TNRC6A: variants seen among roughly 807,000 people sequenced by gnomAD.
The protein encoded by TNRC6A is trinucleotide repeat-containing gene 6A protein.
TNRC6A carries 44 observed loss-of-function variants against 221.2 expected under a neutral mutation model. The observed-to-expected ratio is 0.20, with a 90% confidence interval of 0.16 to 0.26. TNRC6A has a LOEUF of 0.26. Ranked by LOEUF, TNRC6A falls within the 10% of genes least tolerant of loss-of-function variation. The pLI, the probability that TNRC6A is intolerant of heterozygous loss-of-function variation, is 1.00. For missense variants in TNRC6A, 2,199 were observed against 2,404.4 expected (o/e 0.91, Z 1.79); for synonymous variants, 847 against 838.5 (o/e 1.01, Z -0.18).
chr16:24,791,673 C>T lies in TNRC6A; in HGVS notation c.3031C>T (p.Pro1011Ser). Residue 1011 changes from proline to serine, a missense_variant, in exon 6 of 25, where the codon CCA (proline) becomes TCA (serine). Physicochemically the swap from Pro to Ser is moderately conservative, Grantham distance 74. Around this residue, in one of 8 missense-constraint regions of TNRC6A, gnomAD observed 1,405 missense variants for 1,400.2 expected, o/e 1.00. Transcript: ENST00000395799. ...TGATGGAACTTCAGCTTGGGGAGAT[C>T]CAAGCAAATACAACTACAAAAATGT... ...IDDGTSAWGDPSKYNYKNVNM... is the reference protein window; with the variant it reads ...IDDGTSAWGDSSKYNYKNVNM... The T allele has an allele frequency of 1.2e-6, 2 of 1,613,658 alleles. No homozygotes were observed. The highest frequency in any genetic ancestry group is 1.7e-6 in the Non-Finnish European group (2 of 1,179,870).
At chr16:24,736,866 G>T (rs2056780818) in intron 2 of TNRC6A, among the ~76,000 whole-genome samples, 1 of 152,128 alleles carries the variant, frequency 6.6e-6, no homozygotes, top group South Asian at 2.1e-4. Context: ...TATTTAAATC[G>T]ATCAGCCATA....
intron 18 of TNRC6A, among the ~76,000 whole-genome samples, chr16:24,814,688 C>T (rs944936047): frequency 6.6e-6 from 1 of 152,148 alleles, no homozygotes; most frequent in African/African-American, 2.4e-5. Flanking sequence ...GCTGGGATTA[C>T]AGGCATGAGC....
intron 2 of TNRC6A, among the ~76,000 whole-genome samples, chr16:24,715,919 C>A (rs1348510136): frequency 1.3e-5 from 2 of 152,020 alleles, no homozygotes; most frequent in African/African-American, 2.4e-5. Context: ...CTGTGCCTGG[C>A]CCATTCTTGA....
Position 24,789,432 on chromosome 16 carries a change from T to G in TNRC6A, c.790T>G (p.Ser264Ala). Residue 264 changes from serine (S) to alanine (A), a missense_variant, in exon 6 of 25, where the codon TCA becomes GCA. Transcript: ENST00000395799. ...TGCTGATTCTGCCTCCAGTTCTGAA[T>G]CAGAGAGAAACATCACTATCATGGC... ...MDADSASSSE[S>A]ERNITIMASG... is the part of the protein sequence containing the mutation. 6.2e-7 allele frequency: 1 copy of G among 1,614,152 alleles called. No homozygotes were observed. Among genetic ancestry groups the G allele is most frequent in the African/African-American group, 1.3e-5 (1 of 75,024 alleles).
At chr16:24,646,331 A>G (rs967083236) in intron 2 of TNRC6A, among the ~76,000 whole-genome samples, 1 of 152,206 alleles carries the variant, frequency 6.6e-6, no homozygotes, top group Non-Finnish European at 1.5e-5. Flanking sequence ...TCCATGACTC[A>G]ACCAATGAAC....
intron 5 of TNRC6A, among the ~76,000 whole-genome samples, chr16:24,787,924 T>C (rs1436402132): frequency 6.6e-6 from 1 of 152,208 alleles, no homozygotes; most frequent in African/African-American, 2.4e-5. Context: ...GCCTTGAAGA[T>C]ATATACTTAA....
At chr16:24,687,619 T>C (rs1211582256) in intron 2 of TNRC6A, among the ~76,000 whole-genome samples, 2 of 152,088 alleles carry the variant, frequency 1.3e-5, no homozygotes, top group Non-Finnish European at 2.9e-5. Flanking sequence ...TGAGATGCCC[T>C]TTCCCATCTC....
chr16:24,805,088 A>G lies in TNRC6A; in HGVS notation c.4059A>G (p.Gln1353=), dbSNP rs1440420590. The part of the protein sequence containing the change: ...QPRGMQQPPA[Q]PLSSSQPNLR... ...GGGGCATGCAGCAGCCTCCAGCACAACCTCTTAGTTCATCTCAGCCTAATC... is the reference window on the plus strand; with the variant it reads ...GGGGCATGCAGCAGCCTCCAGCACAGCCTCTTAGTTCATCTCAGCCTAATC... Residue 1353 remains glutamine (Q), a synonymous_variant, in exon 14 of 25, where the codon CAA becomes CAG. Transcript: ENST00000395799. The G allele has an allele frequency of 6.2e-6, 10 of 1,613,938 alleles. No individual in the cohort carries two copies. The highest frequency in any genetic ancestry group is 4.0e-5 in the African/African-American group (3 of 74,874).
At chr16:24,781,106 G>A (rs1381369144) in intron 5 of TNRC6A, among the ~76,000 whole-genome samples, 1 of 136,288 alleles carries the variant, frequency 7.3e-6, no homozygotes, top group East Asian at 2.5e-4. Flanking sequence ...CCAGACTGGA[G>A]TGCAGTGGCA....
At chr16:24,672,317 A>G (rs928989147) in intron 2 of TNRC6A, among the ~76,000 whole-genome samples, 5 of 151,858 alleles carry the variant, frequency 3.3e-5, no homozygotes, top group African/African-American at 4.8e-5. Flanking sequence ...TTTAGTAGAG[A>G]TGGGGTTTCA....
rs2056590896 is a variant in TNRC6A, at chr16:24,730,125, C to T, written c.6-128C>T. 7 of 793,754 alleles carry T rather than the reference C, an allele frequency of 8.8e-6. 1 individual carries two copies. The Admixed American group carries it at 1.5e-4, about 17-fold the overall frequency. The allele number at this position is 793,754 out of a possible 1,614,324, so 49.2% of individuals were successfully genotyped here. On this transcript the variant is annotated intron_variant, in intron 1 of 24. Coordinates refer to ENST00000395799, the MANE Select transcript of TNRC6A (RefSeq NM_014494.4). ...CCCCGCAGCTTTGTGAGTCCCCCTC[C>T]CCCCGTCCTCTCCCCTCCCCCATCC...
chr16:24,664,777 A>T, intron 2 of TNRC6A: 1 of 319,374 alleles, frequency 3.1e-6, no homozygotes, highest in African/African-American at 2.9e-5. Flanking sequence ...AATCACACAC[A>T]CACACACACA....
rs138278409 is a variant in TNRC6A at position 24,614,561 on chromosome 16, G to A, written n.276+4077G>A. Among the ~76,000 whole-genome samples the A allele has an allele frequency of 5.0e-3, 763 of 152,276 alleles. 16 individuals carry two copies. Among genetic ancestry groups the A allele is most frequent in the Non-Finnish European group, 6.9e-3 (467 of 68,028 alleles). ...CAAGCACGGGTCTGTTTTGGATATG[G>A]ATTAGAAGGTGGGTGTGGTGAAATA... is the stretch of plus-strand genomic sequence containing the variant. On this transcript the variant is annotated intron_variant and non_coding_transcript_variant, in intron 1 of 2. Transcript: ENST00000566108.
At position 24,650,448 on chromosome 16, in the gene TNRC6A, TGAGGACAGGA is replaced by T. The variant is rs1174675314; in HGVS notation, n.402+9441_402+9450del. The stretch of plus-strand genomic sequence containing the variant: ...GGGAGGCGGAGGCGGGTGGATCACT[TGAGGACAGGA>T]GTTTGAGACCAGCCTGGCCAACATG... On this transcript the variant is annotated intron_variant and non_coding_transcript_variant, in intron 2 of 2. Transcript: ENST00000566108. 2.6e-5 allele frequency among the ~76,000 whole-genome samples: 4 copies of T among 152,130 alleles called. No individual in the cohort carries two copies. The East Asian group carries it at 7.7e-4, about 29-fold the overall frequency.
At position 24,822,927 on chromosome 16, in the gene TNRC6A, A is replaced by G; in HGVS notation, c.5427A>G (p.Thr1809=). Residue 1809 remains threonine (T), a synonymous_variant, in exon 24 of 25, where the codon ACA becomes ACG. Coordinates refer to ENST00000395799, the MANE Select transcript of TNRC6A (RefSeq NM_014494.4). The part of the protein sequence containing the change: ...TLCMQHGPLI[T]FHLNLPHGNA... ...GCATGCAGCACGGCCCGCTGATCAC[A>G]TTCCACCTGAACCTCCCTCACGGAA... 1 of 1,614,224 alleles carries G rather than the reference A, an allele frequency of 6.2e-7. No individual in the cohort carries two copies. Among genetic ancestry groups the G allele is most frequent in the Middle Eastern group, 1.7e-4 (1 of 6,044 alleles).
chr16:24,794,753 T>C (rs1268118027), intron 8 of TNRC6A, 34 bp downstream of exon 8: 2 of 1,574,042 alleles, frequency 1.3e-6, no homozygotes, highest in Non-Finnish European at 8.6e-7. Flanking sequence ...CTTGAAACTT[T>C]AAATTCCAAA....
At chr16:24,646,538 A>G (rs192243562) in intron 2 of TNRC6A, among the ~76,000 whole-genome samples, 4 of 152,362 alleles carry the variant, frequency 2.6e-5, no homozygotes, top group Admixed American at 1.3e-4. Flanking sequence ...GGATGAAGCA[A>G]TAAGGGAAAC....
intron 1 of TNRC6A, among the ~76,000 whole-genome samples, chr16:24,634,365 G>A (rs908314115): frequency 1.4e-4 from 21 of 152,162 alleles, no homozygotes; most frequent in African/African-American, 5.1e-4. Flanking sequence ...AGGAGGCAGA[G>A]GTTGCAGTGA....
intron 2 of TNRC6A, among the ~76,000 whole-genome samples, chr16:24,702,146 C>T (rs1206996825): frequency 5.1e-5 from 7 of 137,894 alleles, no homozygotes; most frequent in East Asian, 4.1e-4. Context: ...CCACATTTCG[C>T]GTGTAAACTC....
Sources: gnomAD v4.1 joint callset for allele counts (sites outside exome capture counted in the v4.1 genomes callset) on GRCh38, gnomAD v4.1.1 for gene constraint, gnomAD v4.1.1 regional missense constraint, MANE v1.5 for transcripts, NCBI Gene and HGNC (gene_info 2026-07-23, HGNC 2026-07-21) for gene names.